KLF13: variants seen among roughly 807,000 people sequenced by gnomAD.
KLF13 encodes the protein Krueppel-like factor 13.
Under a neutral mutation model 16.7 loss-of-function variants are expected in KLF13, and 8 were observed. The ratio of observed to expected loss-of-function variants is 0.48; its 90% CI spans 0.28 to 0.87. The LOEUF (loss-of-function observed/expected upper bound fraction) is 0.87. Among genes scored for constraint, KLF13 ranks in the 40% least tolerant of loss-of-function variants. KLF13 has a pLI of 0.10. For missense variants in KLF13, 447 were observed against 452.2 expected (o/e 0.99, Z 0.10); for synonymous variants, 245 against 208.4 (o/e 1.18, Z -1.51).
At chr15:31,415,645 T>C (rs773010966) in intron 1 of KLF13, among the ~76,000 whole-genome samples, 1 of 152,090 alleles carries the variant, frequency 6.6e-6, no homozygotes, top group Non-Finnish European at 1.5e-5. Flanking sequence ...AAAGCAGTGC[T>C]TAGAGGGAAA....
intron 1 of KLF13, among the ~76,000 whole-genome samples, chr15:31,340,165 G>T (rs1372261639): frequency 6.6e-6 from 1 of 152,224 alleles, no homozygotes; most frequent in Non-Finnish European, 1.5e-5. Flanking sequence ...GGCAGGCTGA[G>T]GATGTACCCA....
intron 1 of KLF13, among the ~76,000 whole-genome samples, chr15:31,424,942 G>T (rs546186129): frequency 2.7e-5 from 4 of 146,902 alleles, no homozygotes; most frequent in Admixed American, 6.7e-5. Flanking sequence ...TAGCAAAGTT[G>T]CAGGGTACAA....
chr15:31,347,681 A>C (rs922384646), intron 1 of KLF13, among the ~76,000 whole-genome samples: 6 of 152,178 alleles, frequency 3.9e-5, no homozygotes, highest in African/African-American at 1.4e-4. Context: ...GCTAAAGGAA[A>C]AGTGGGTGTC....
At chr15:31,354,664 C>T (rs1485335178) in intron 1 of KLF13, among the ~76,000 whole-genome samples, 3 of 152,148 alleles carry the variant, frequency 2.0e-5, no homozygotes, top group African/African-American at 7.2e-5. Flanking sequence ...GGATTACAGG[C>T]GTGAGCCACT....
chr15:31,358,756 A>C (rs2039338389), intron 1 of KLF13, among the ~76,000 whole-genome samples: 1 of 152,220 alleles, frequency 6.6e-6, no homozygotes, highest in Non-Finnish European at 1.5e-5. Flanking sequence ...GTTTCAGAAA[A>C]TATCTGAAGA....
chr15:31,335,465 GT>G (rs2038914113), intron 1 of KLF13, among the ~76,000 whole-genome samples: 1 of 101,462 alleles, frequency 9.9e-6, no homozygotes, highest in Non-Finnish European at 2.2e-5. Context: ...GTGTGTGTGT[GT>G]GTGTGTGTGT....
At chr15:31,339,880 G>T in intron 1 of KLF13, 2 of 687,212 alleles carry the variant, frequency 2.9e-6, no homozygotes, top group South Asian at 3.0e-5. Flanking sequence ...ATGCAGCAGC[G>T]GGCTCTCGTG....
intron 1 of KLF13, among the ~76,000 whole-genome samples, chr15:31,353,160 G>A (rs1308148528): frequency 6.6e-6 from 1 of 152,186 alleles, no homozygotes; most frequent in African/African-American, 2.4e-5. Flanking sequence ...CTGTCACTTA[G>A]GGAGTTTTGC....
intron 1 of KLF13, among the ~76,000 whole-genome samples, chr15:31,411,415 A>G (rs2040192000): frequency 1.8e-5 from 2 of 112,560 alleles, no homozygotes; most frequent in African/African-American, 1.1e-4. Context: ...TTTTTTTTTG[A>G]GATGGAGTCT....
intron 1 of KLF13, among the ~76,000 whole-genome samples, chr15:31,423,433 A>C (rs2040368488): frequency 6.6e-6 from 1 of 151,802 alleles, no homozygotes; most frequent in African/African-American, 2.4e-5. Context: ...GGAGTTCGAG[A>C]CCAGGCTGGC....
At position 31,369,658 on chromosome 15, in the gene KLF13, T is replaced by G. The variant is rs1410238682; in HGVS notation, c.578-2352T>G. ...ACTTTCCTCCTGGAATTTTCCCCCGTGAGTCTTGGTCCTGTGCTCCAGTGA... is the reference window on the plus strand; with the variant it reads ...ACTTTCCTCCTGGAATTTTCCCCCGGGAGTCTTGGTCCTGTGCTCCAGTGA... On this transcript the variant is annotated intron_variant, in intron 1 of 1. Transcript: ENST00000307145. Among the ~76,000 whole-genome samples, 3 of 152,220 alleles carry G rather than the reference T, an allele frequency of 2.0e-5. No individual in the cohort carries two copies. The East Asian group carries it at 5.8e-4, about 29-fold the overall frequency.
At chr15:31,394,028 G>T (rs2039916173) in intron 2 of KLF13, among the ~76,000 whole-genome samples, 1 of 152,262 alleles carries the variant, frequency 6.6e-6, no homozygotes, top group African/African-American at 2.4e-5. Context: ...TTGTTCCTGG[G>T]GGCGCGGTCC....
intron 1 of KLF13, among the ~76,000 whole-genome samples, chr15:31,431,089 C>G (rs1235966735): frequency 2.0e-5 from 3 of 152,188 alleles, no homozygotes; most frequent in African/African-American, 7.2e-5. Context: ...GTGGACCTCT[C>G]AGGTGGAGTT....
chr15:31,348,878 G>A (rs936195405), intron 1 of KLF13, among the ~76,000 whole-genome samples: 3 of 152,140 alleles, frequency 2.0e-5, no homozygotes, highest in East Asian at 1.9e-4. Context: ...TTCCTGGTTC[G>A]TAGACAGCTG....
chr15:31,332,317 C>T (rs1484660243), intron 1 of KLF13, among the ~76,000 whole-genome samples: 2 of 152,244 alleles, frequency 1.3e-5, no homozygotes, highest in Non-Finnish European at 2.9e-5. Flanking sequence ...TCCCAATTCT[C>T]CTTTTGCATG....
At chr15:31,355,722 A>G (rs926745276) in intron 1 of KLF13, among the ~76,000 whole-genome samples, 6 of 152,168 alleles carry the variant, frequency 3.9e-5, no homozygotes, top group Non-Finnish European at 8.8e-5. Context: ...GGATCATGAC[A>G]GTAAATGCTA....
intron 2 of KLF13, among the ~76,000 whole-genome samples, chr15:31,396,840 G>A (rs916547455): frequency 6.6e-6 from 1 of 152,170 alleles, no homozygotes; most frequent in Non-Finnish European, 1.5e-5. Context: ...CAGGAAGGAG[G>A]TCTGCTTTGG....
At chr15:31,403,364 G>A (rs527499104) in intron 2 of KLF13, 2 of 152,282 alleles carry the variant, frequency 1.3e-5, no homozygotes, top group Middle Eastern at 3.4e-3. Context: ...CTGTCGGCTG[G>A]GGATGCTTTA....
chr15:31,404,004 C>T (rs1253116933), exon 3 of KLF13: 1 of 152,226 alleles, frequency 6.6e-6, no homozygotes, highest in African/African-American at 2.4e-5. Flanking sequence ...ACAGTGGTAA[C>T]TAAGCAGGTC....
Sources: allele counts gnomAD v4.1 joint callset (sites outside exome capture counted in the v4.1 genomes callset), GRCh38; gene constraint gnomAD v4.1.1; transcripts MANE v1.5; gene names NCBI Gene and HGNC (gene_info 2026-07-23, HGNC 2026-07-21).